Variants in NRK observed in about 807,000 individuals in gnomAD.
The protein encoded by NRK is nik-related protein kinase.
NRK carries 67 observed loss-of-function variants against 125.2 expected under a neutral mutation model. The ratio of observed to expected loss-of-function variants is 0.54; its 90% CI spans 0.44 to 0.66. The LOEUF (loss-of-function observed/expected upper bound fraction) is 0.66. Among genes scored for constraint, NRK ranks in the 30% least tolerant of loss-of-function variants. The pLI is 0.00. For missense variants in NRK, 1,224 were observed against 1,192.9 expected (o/e 1.03, Z -0.38); for synonymous variants, 458 against 429.0 (o/e 1.07, Z -0.84).
chrX:105,942,788 T>C (rs911031346), intron 23 of NRK, among the ~76,000 whole-genome samples: 7 of 109,743 alleles, frequency 6.4e-5, no homozygotes, highest in African/African-American at 2.3e-4. Context: ...CCAGCTATTT[T>C]TTATATTTTT....
At chrX:105,950,352 A>T (rs1178442302) in intron 27 of NRK, among the ~76,000 whole-genome samples, 1 of 111,081 alleles carries the variant, frequency 9.0e-6, no homozygotes. Flanking sequence ...GAGAAATCCA[A>T]ATAATTTGAG....
chrX:105,887,139 T>A (rs1167813901), intron 4 of NRK, among the ~76,000 whole-genome samples: 1 of 112,076 alleles, frequency 8.9e-6, no homozygotes, highest in African/African-American at 3.2e-5. Context: ...ATCAAGACAG[T>A]GAGAAAACAA....
At chrX:105,856,556 G>T (rs2039534155) in intron 2 of NRK, among the ~76,000 whole-genome samples, 1 of 110,964 alleles carries the variant, frequency 9.0e-6, no homozygotes, top group African/African-American at 3.3e-5. Context: ...TAAAGGAGAA[G>T]AACATAATAT....
chrX:105,867,890 C>G (rs1009852232), intron 2 of NRK, among the ~76,000 whole-genome samples: 1 of 111,246 alleles, frequency 9.0e-6, no homozygotes, highest in Admixed American at 9.6e-5. Flanking sequence ...GACTGCTGAC[C>G]TGGATTTGTG....
chrX:105,932,801 G>C (rs2040611427), intron 19 of NRK, among the ~76,000 whole-genome samples: 1 of 110,963 alleles, frequency 9.0e-6, no homozygotes, highest in Admixed American at 9.7e-5. Flanking sequence ...TCCTTCATGG[G>C]CCAAATTAAG....
chrX:105,836,119 C>T (rs184445025), intron 2 of NRK, among the ~76,000 whole-genome samples: 1 of 111,858 alleles, frequency 8.9e-6, no homozygotes, highest in Non-Finnish European at 1.9e-5. Flanking sequence ...CAGACCTCAG[C>T]CTAGTTGGTT....
intron 2 of NRK, among the ~76,000 whole-genome samples, chrX:105,873,020 C>T (rs960712867): frequency 9.0e-6 from 1 of 111,537 alleles, no homozygotes; most frequent in Non-Finnish European, 1.9e-5. Flanking sequence ...GAATGAAAAA[C>T]GAGGTTACAG....
intron 2 of NRK, among the ~76,000 whole-genome samples, chrX:105,879,648 T>G (rs1262536500): frequency 9.0e-6 from 1 of 111,508 alleles, no homozygotes; most frequent in African/African-American, 3.2e-5. Context: ...GAATTAATTA[T>G]GAATCACTCA....
rs2040964764 is a variant in NRK, at chrX:105,955,495, C to A, written c.4654-10C>A. The A allele has an allele frequency of 2.7e-6, 3 of 1,116,446 alleles. No individual in the cohort carries two copies. The highest frequency in any genetic ancestry group is 3.7e-6 in the Non-Finnish European group (3 of 821,511). The allele number at this position is 1,116,446 out of a possible 1,213,427, so 92.0% of individuals were successfully genotyped here. A position where few individuals can be genotyped will look rare whatever the true frequency, so the allele number is the denominator to read the frequency against. The stretch of plus-strand genomic sequence containing the variant: ...ATATCTGTTGACAGTGTATTTCTTT[C>A]TTTTTCAAGCTGTTCTTTACCTCTA... On this transcript the variant is annotated splice_polypyrimidine_tract_variant and intron_variant, in intron 28 of 28. Coordinates refer to ENST00000243300, the MANE Select transcript of NRK (RefSeq NM_198465.4).
At chrX:105,863,933 G>T (rs1398129402) in intron 2 of NRK, among the ~76,000 whole-genome samples, 1 of 112,339 alleles carries the variant, frequency 8.9e-6, no homozygotes, top group African/African-American at 3.2e-5. Context: ...ATCAACTCAT[G>T]GGAATGACTT....
At chrX:105,935,076 C>T in intron 20 of NRK, 94 bp from the exon 21 acceptor site, 1 of 658,431 alleles carries the variant, frequency 1.5e-6, no homozygotes, top group Non-Finnish European at 2.4e-6. Context: ...ATAACTCCAT[C>T]AGGTGCAGAT....
intron 27 of NRK, among the ~76,000 whole-genome samples, chrX:105,952,428 T>A (rs1188798170): frequency 8.9e-6 from 1 of 112,268 alleles, no homozygotes; most frequent in African/African-American, 3.2e-5. Context: ...CACAAAGTAT[T>A]ATAAAATAGA....
At chrX:105,825,918 T>C (rs1207176971) in intron 1 of NRK, among the ~76,000 whole-genome samples, 2 of 107,954 alleles carry the variant, frequency 1.9e-5, no homozygotes, top group Non-Finnish European at 3.8e-5. Context: ...GTTTCCTTTC[T>C]GAAAAGAGAA....
intron 2 of NRK, among the ~76,000 whole-genome samples, chrX:105,838,497 A>G (rs1443576773): frequency 9.0e-6 from 1 of 111,100 alleles, no homozygotes; most frequent in Non-Finnish European, 1.9e-5. Context: ...TACACCCCTA[A>G]TATCAGTCAC....
intron 1 of NRK, among the ~76,000 whole-genome samples, chrX:105,824,302 G>A (rs1410309854): frequency 2.7e-5 from 3 of 111,089 alleles, no homozygotes; most frequent in African/African-American, 3.3e-5. Context: ...TGAGATTTCC[G>A]GAAAATGGAG....
intron 24 of NRK, 82 bp from the exon 25 acceptor site, chrX:105,945,790 T>C (rs1264754336): frequency 1.5e-5 from 13 of 882,251 alleles, no homozygotes; most frequent in Non-Finnish European, 1.9e-5. Context: ...CCTTTTGTTT[T>C]GGACTAGAAA....
chrX:105,870,039 A>G (rs1305785948), intron 2 of NRK, among the ~76,000 whole-genome samples: 1 of 111,642 alleles, frequency 9.0e-6, no homozygotes, highest in Non-Finnish European at 1.9e-5. Context: ...GCCCAGACAA[A>G]CCTTAAAAGG....
chrX:105,939,850 A>T, intron 22 of NRK, 24 bp from the exon 23 acceptor site: 1 of 947,610 alleles, frequency 1.1e-6, no homozygotes, highest in East Asian at 3.4e-5. Flanking sequence ...GATTTTAAAT[A>T]CTGTATATTT....
chrX:105,888,242 T>G (rs956047762), intron 4 of NRK, 52 bp from the exon 5 acceptor site: 8 of 1,084,983 alleles, frequency 7.4e-6, no homozygotes, highest in Middle Eastern at 5.0e-4. Flanking sequence ...TAGGGACTTA[T>G]AGTCATTGAT....
Sources: allele counts gnomAD v4.1 joint callset (sites outside exome capture counted in the v4.1 genomes callset), GRCh38; gene constraint gnomAD v4.1.1; transcripts MANE v1.5; gene names NCBI Gene and HGNC (gene_info 2026-07-23, HGNC 2026-07-21).